The following MICU2 variants were observed in gnomAD, a reference collection of about 807,000 sequenced individuals.
MICU2 encodes the protein mitochondrial calcium uptake 2, also known as calcium uptake protein 2, mitochondrial.
A neutral mutation model predicts 60.4 loss-of-function variants in MICU2; 64 were observed. That is an observed-to-expected ratio of 1.06 (90% CI 0.87 to 1.31). The LOEUF (loss-of-function observed/expected upper bound fraction) is 1.31. Among genes scored for constraint, MICU2 ranks in the 50% most tolerant of loss-of-function variants. The probability of loss-of-function intolerance (pLI) is 0.00; values close to 1 mark genes in which losing one functional copy is unlikely to be tolerated. For missense variants in MICU2, 569 were observed against 531.0 expected (o/e 1.07, Z -0.70); for synonymous variants, 201 against 175.0 (o/e 1.15, Z -1.17).
chr13:21,526,584 T>C (rs1006140724), intron 4 of MICU2, among the ~76,000 whole-genome samples: 4 of 152,008 alleles, frequency 2.6e-5, no homozygotes, highest in Non-Finnish European at 5.9e-5. Flanking sequence ...GAGATACGAA[T>C]AGTAAGAGTT....
chr13:21,494,701 CT>C (rs1885948672), intron 11 of MICU2, among the ~76,000 whole-genome samples: 1 of 151,650 alleles, frequency 6.6e-6, no homozygotes. Context: ...TTTTTTTTCC[CT>C]TTTTTTGTAG....
chr13:21,549,464 C>T (rs527649718), intron 2 of MICU2, among the ~76,000 whole-genome samples: 3 of 152,208 alleles, frequency 2.0e-5, no homozygotes, highest in South Asian at 2.1e-4. Context: ...AAGATAAATT[C>T]GCAAAGATAT....
chr13:21,544,673 G>A (rs1356895267), intron 2 of MICU2, among the ~76,000 whole-genome samples: 1 of 152,040 alleles, frequency 6.6e-6, no homozygotes, highest in East Asian at 1.9e-4. Context: ...TCTTTTTTGA[G>A]ACAGGGTCTT....
At chr13:21,510,510 T>G (rs1886400054) in intron 7 of MICU2, among the ~76,000 whole-genome samples, 1 of 152,250 alleles carries the variant, frequency 6.6e-6, no homozygotes, top group Admixed American at 6.5e-5. Context: ...GGAAAACACT[T>G]GCTTTTCCTA....
chr13:21,493,556 AG>A (rs1885915495), intron 11 of MICU2, among the ~76,000 whole-genome samples: 1 of 152,204 alleles, frequency 6.6e-6, no homozygotes, highest in Admixed American at 6.6e-5. Context: ...TAAGGTTACT[AG>A]GGAGTGGAAC....
chr13:21,584,465 G>A (rs112535235), intron 1 of MICU2, among the ~76,000 whole-genome samples: 2,739 of 151,828 alleles, frequency 0.018, 29 homozygotes, highest in Non-Finnish European at 0.026. Flanking sequence ...AGATGCCTGC[G>A]ATCTTAAGGT....
At chr13:21,517,799 A>ACACACACACACACACACGCG (rs1244489287) in intron 6 of MICU2, among the ~76,000 whole-genome samples, 6 of 136,400 alleles carry the variant, frequency 4.4e-5, no homozygotes, top group African/African-American at 1.8e-4. Context: ...ACACACACAC[A>ACACACACACACACACACGCG]CGCGCGCGCG....
intron 1 of MICU2, among the ~76,000 whole-genome samples, chr13:21,589,398 C>G (rs1888525411): frequency 6.6e-6 from 1 of 152,162 alleles, no homozygotes; most frequent in Non-Finnish European, 1.5e-5. Flanking sequence ...CCTTAACTAT[C>G]CTCCACCTTA....
chr13:21,574,191 C>T (rs1477620427), intron 1 of MICU2, among the ~76,000 whole-genome samples: 4 of 152,178 alleles, frequency 2.6e-5, no homozygotes, highest in Non-Finnish European at 5.9e-5. Flanking sequence ...ATGCAACTTA[C>T]AGTCTTCTGA....
chr13:21,556,861 C>T (rs1887720327), intron 2 of MICU2, among the ~76,000 whole-genome samples: 1 of 152,124 alleles, frequency 6.6e-6, no homozygotes, highest in Non-Finnish European at 1.5e-5. Context: ...TAGGAGAAAG[C>T]TAATTCATGT....
intron 1 of MICU2, among the ~76,000 whole-genome samples, chr13:21,591,726 A>G (rs1205407898): frequency 6.6e-6 from 1 of 152,208 alleles, no homozygotes; most frequent in African/African-American, 2.4e-5. Context: ...AACTCACTCA[A>G]AACCACACAA....
rs1003417652 is a variant in MICU2, at chr13:21,531,347, T to C, written c.466+7955A>G. On this transcript the variant is annotated intron_variant, in intron 4 of 11. Transcript: ENST00000382374. The stretch of plus-strand genomic sequence containing the variant: ...AATAACACCAACCCGAAAAACTTGA[T>C]GGAATGCTTTTATTTTTTATTAAGG... 4 of 1,467,440 alleles carry C rather than the reference T, an allele frequency of 2.7e-6. No individual in the cohort carries two copies. The African/African-American group carries it at 5.6e-5, about 21-fold the overall frequency. 90.9% of individuals were successfully genotyped at this position (1,467,440 alleles called of 1,614,324 possible). A position where few individuals can be genotyped will look rare whatever the true frequency, so the allele number is the denominator to read the frequency against.
chr13:21,546,493 T>C (rs1299574068), intron 2 of MICU2, among the ~76,000 whole-genome samples: 1 of 152,154 alleles, frequency 6.6e-6, no homozygotes, highest in Non-Finnish European at 1.5e-5. Flanking sequence ...GTGTACGAAT[T>C]AGCTTAGAAA....
At position 21,595,598 on chromosome 13, in the gene MICU2, C is replaced by G. The variant is rs540878588; in HGVS notation, c.210+8341G>C. Among the ~76,000 whole-genome samples, 20 of 152,388 alleles carry G rather than the reference C, an allele frequency of 1.3e-4. No individual in the cohort carries two copies. The South Asian group carries it at 4.1e-3, about 32-fold the overall frequency. On this transcript the variant is annotated intron_variant, in intron 1 of 11. Coordinates refer to ENST00000382374, the MANE Select transcript of MICU2 (RefSeq NM_152726.3). ...CCAGGGCACCACCTCTGTGGTAGCT[C>G]TAAGCCAGGCCCTCAGGCCACATTC... is the stretch of plus-strand genomic sequence containing the variant.
chr13:21,583,873 T>G (rs548170710), intron 1 of MICU2, among the ~76,000 whole-genome samples: 2 of 152,362 alleles, frequency 1.3e-5, no homozygotes, highest in Admixed American at 6.5e-5. Context: ...AACAACAGTG[T>G]GATTTAATCT....
chr13:21,529,935 T>G (rs2138179177), intron 4 of MICU2, among the ~76,000 whole-genome samples: 1 of 152,260 alleles, frequency 6.6e-6, no homozygotes, highest in South Asian at 2.1e-4. Context: ...CCAATCAGCG[T>G]GGGATAAAAG....
chr13:21,530,698 G>A (rs1886971444), intron 4 of MICU2: 5 of 396,880 alleles, frequency 1.3e-5, no homozygotes, highest in African/African-American at 2.1e-5. Flanking sequence ...TGGCCACTGA[G>A]GGGGTCGGGG....
intron 1 of MICU2, among the ~76,000 whole-genome samples, chr13:21,585,886 A>G (rs891153485): frequency 2.6e-5 from 4 of 152,230 alleles, no homozygotes; most frequent in African/African-American, 9.6e-5. Flanking sequence ...AAATAATATC[A>G]AAGAAAAGCA....
chr13:21,585,284 C>A (rs1239828222), intron 1 of MICU2, among the ~76,000 whole-genome samples: 1 of 152,156 alleles, frequency 6.6e-6, no homozygotes, highest in Non-Finnish European at 1.5e-5. Flanking sequence ...GATATTTTTA[C>A]CTGAGGCAGT....
Sources: allele counts gnomAD v4.1 joint callset (sites outside exome capture counted in the v4.1 genomes callset), GRCh38; gene constraint gnomAD v4.1.1; transcripts MANE v1.5; gene names NCBI Gene and HGNC (gene_info 2026-07-23, HGNC 2026-07-21).